MECOM: variants seen among roughly 807,000 people sequenced by gnomAD.
The protein encoded by MECOM is histone-lysine N-methyltransferase MECOM.
A neutral mutation model predicts 116.3 loss-of-function variants in MECOM; 13 were observed. The observed-to-expected ratio is 0.11, with a 90% CI of 0.07 to 0.18. MECOM has a LOEUF of 0.18. MECOM is among the 10% of genes least tolerant of loss of function. The probability of loss-of-function intolerance (pLI) is 1.00; values close to 1 mark genes in which losing one functional copy is unlikely to be tolerated. For synonymous variants in MECOM, 528 were observed against 535.2 expected, an observed-to-expected ratio of 0.99 and a Z score of 0.19; for missense variants, 1,299 against 1,509.0, an observed-to-expected ratio of 0.86 and a Z score of 2.31.
At chr3:169,378,437 GAAAGAAAGAAAGAAGGAA>G (rs1731519486) in intron 2 of MECOM, among the ~76,000 whole-genome samples, 1 of 80,800 alleles carries the variant, frequency 1.2e-5, no homozygotes, top group Non-Finnish European at 2.2e-5. Context: ...AAGAAAGAAA[GAAAGAAAGAAAGAAGGAA>G]AGCAAGCAAG....
intron 1 of MECOM, among the ~76,000 whole-genome samples, chr3:169,507,560 C>CT (rs1281663944): frequency 1.4e-5 from 2 of 144,282 alleles, no homozygotes; most frequent in African/African-American, 5.2e-5. Flanking sequence ...ATAGGGTTTT[C>CT]TTTTTCCCCT....
chr3:169,639,521 T>G (rs1470899680), intron 1 of MECOM, among the ~76,000 whole-genome samples: 1 of 152,204 alleles, frequency 6.6e-6, no homozygotes, highest in Non-Finnish European at 1.5e-5. Flanking sequence ...ACCAGAGTCT[T>G]GATCAAACTG....
chr3:169,197,225 C>G (rs989849795), intron 2 of MECOM, among the ~76,000 whole-genome samples: 1 of 151,710 alleles, frequency 6.6e-6, no homozygotes, highest in Non-Finnish European at 1.5e-5. Context: ...GTGCTCGTTA[C>G]CTGGGTGACA....
chr3:169,310,855 G>T (rs1197989048), intron 2 of MECOM, among the ~76,000 whole-genome samples: 1 of 152,176 alleles, frequency 6.6e-6, no homozygotes, highest in African/African-American at 2.4e-5. Flanking sequence ...ATTTTAGACT[G>T]CTTGAGAGTA....
intron 1 of MECOM, among the ~76,000 whole-genome samples, chr3:169,576,934 G>A (rs1370191997): frequency 1.3e-5 from 2 of 152,036 alleles, no homozygotes; most frequent in East Asian, 3.9e-4. Flanking sequence ...TAGACATTGT[G>A]TAGACATAGC....
intron 2 of MECOM, among the ~76,000 whole-genome samples, chr3:169,353,391 AACTC>A: frequency 6.6e-6 from 1 of 152,054 alleles, no homozygotes. Context: ...TAAAATGGAG[AACTC>A]ACTCTAATTG....
At chr3:169,348,177 G>A (rs1725689967) in intron 2 of MECOM, among the ~76,000 whole-genome samples, 1 of 151,970 alleles carries the variant, frequency 6.6e-6, no homozygotes, top group Non-Finnish European at 1.5e-5. Flanking sequence ...GAGAAAGATG[G>A]GAATATTGCA....
chr3:169,605,620 A>G (rs566263524), intron 1 of MECOM, among the ~76,000 whole-genome samples: 69 of 152,324 alleles, frequency 4.5e-4, no homozygotes, highest in African/African-American at 1.6e-3. Flanking sequence ...GTGATGGTGA[A>G]GGAAGAGAAG....
intron 1 of MECOM, chr3:169,615,115 T>A (rs1415004405): frequency 6.6e-6 from 1 of 152,230 alleles, no homozygotes; most frequent in Non-Finnish European, 1.5e-5. Context: ...ATAAAACACA[T>A]AGGCTCACAA....
intron 1 of MECOM, among the ~76,000 whole-genome samples, chr3:169,446,724 T>C (rs1409686917): frequency 6.6e-6 from 1 of 152,186 alleles, no homozygotes; most frequent in Non-Finnish European, 1.5e-5. Context: ...TTACTGTTTT[T>C]TCAGTTAAGG....
intron 2 of MECOM, chr3:169,146,023 T>C (rs1303480905): frequency 8.8e-6 from 2 of 227,816 alleles, no homozygotes; most frequent in Non-Finnish European, 1.7e-5. Context: ...ACTGCATTTG[T>C]CTCCCAAATG....
At chr3:169,625,799 A>T (rs1771296943) in intron 1 of MECOM, among the ~76,000 whole-genome samples, 2 of 152,240 alleles carry the variant, frequency 1.3e-5, no homozygotes, top group Non-Finnish European at 2.9e-5. Context: ...CTTCGTTTCC[A>T]TCTGAGAATC....
intron 2 of MECOM, among the ~76,000 whole-genome samples, chr3:169,349,026 A>G (rs368659901): frequency 1.3e-5 from 2 of 151,836 alleles, no homozygotes. Flanking sequence ...ATTTTTTTAC[A>G]TCAATATAAA....
chr3:169,182,962 C>G (rs553318904), intron 2 of MECOM, among the ~76,000 whole-genome samples: 3 of 152,276 alleles, frequency 2.0e-5, no homozygotes, highest in South Asian at 4.1e-4. Flanking sequence ...AGGACTAAGA[C>G]ATACATGAAT....
Position 169,587,692 on chromosome 3 carries a change from A to T in MECOM, c.37+75644T>A, listed in dbSNP as rs1765932009. ...TTAGGAGGAACCTGGTAAGGACAAA[A>T]GATAGTTTCCAATGCTACTCTAAAG... On this transcript the variant is annotated intron_variant, in intron 1 of 16. Coordinates refer to ENST00000651503, the MANE Select transcript of MECOM (RefSeq NM_004991.4). Among the ~76,000 whole-genome samples, 2 of 152,198 alleles carry T rather than the reference A, an allele frequency of 1.3e-5. 1 individual carries two copies. The highest frequency in any genetic ancestry group is 1.3e-4 in the Admixed American group (2 of 15,276).
At chr3:169,207,542 T>C (rs1454088886) in intron 2 of MECOM, among the ~76,000 whole-genome samples, 1 of 152,138 alleles carries the variant, frequency 6.6e-6, no homozygotes, top group Admixed American at 6.6e-5. Flanking sequence ...GTGGTACAGG[T>C]TTAAAGATCT....
At chr3:169,536,652 A>T (rs1233303172) in intron 1 of MECOM, among the ~76,000 whole-genome samples, 1 of 152,132 alleles carries the variant, frequency 6.6e-6, no homozygotes, top group African/African-American at 2.4e-5. Context: ...AAAGGGGAAA[A>T]TCCACACTCA....
intron 1 of MECOM, among the ~76,000 whole-genome samples, chr3:169,577,091 G>T (rs991254727): frequency 6.6e-6 from 1 of 152,164 alleles, no homozygotes; most frequent in African/African-American, 2.4e-5. Context: ...TAAGCTGAGT[G>T]ACTATAAGCA....
At chr3:169,148,947 A>T (rs61416664) in intron 2 of MECOM, among the ~76,000 whole-genome samples, 4,854 of 152,100 alleles carry the variant, frequency 0.032, 98 homozygotes, top group African/African-American at 0.058. Context: ...GACAGGAAAA[A>T]TCCTTTGTAA....
Sources: gnomAD v4.1 joint callset for allele counts (sites outside exome capture counted in the v4.1 genomes callset) on GRCh38, gnomAD v4.1.1 for gene constraint, MANE v1.5 for transcripts, NCBI Gene and HGNC (gene_info 2026-07-23, HGNC 2026-07-21) for gene names.